SCN2B: variants seen among roughly 807,000 people sequenced by gnomAD.
SCN2B encodes the protein sodium voltage-gated channel beta subunit 2, also known as sodium channel regulatory subunit beta-2.
In SCN2B, 14 loss-of-function variants were observed where a neutral mutation model predicts 18.2. That is an observed-to-expected ratio of 0.77 (90% CI 0.51 to 1.21). The LOEUF (loss-of-function observed/expected upper bound fraction) is 1.21. Among genes scored for constraint, SCN2B ranks in the 50% most tolerant of loss-of-function variants. SCN2B has a pLI of 0.00. For synonymous variants in SCN2B, 115 were observed against 115.3 expected (o/e 1.00, Z 0.02); for missense variants, 262 against 286.9 (o/e 0.91, Z 0.63).
At chr11:118,172,077 C>A (rs1345612260) in intron 1 of SCN2B, among the ~76,000 whole-genome samples, 1 of 152,208 alleles carries the variant, frequency 6.6e-6, no homozygotes, top group Non-Finnish European at 1.5e-5. Context: ...CCAGTCCGGG[C>A]CCTCATTAAA....
rs910461882 is a variant in SCN2B at position 118,168,494 on chromosome 11, G to A, written c.237+91C>T. On this transcript the variant is annotated intron_variant, in intron 2 of 3. Coordinates refer to ENST00000278947, the MANE Select transcript of SCN2B (RefSeq NM_004588.5). The surrounding 1 kb of genome is among the most constrained non-coding windows in gnomAD (Gnocchi z 4.7). ...CCACCCAGGGTCCTCTGGGGCCCTA[G>A]CGCAGTGCCGGGGCCGGTGGTGGGA... 1 of 1,553,718 alleles carries A rather than the reference G, an allele frequency of 6.4e-7. No individual in the cohort carries two copies. The highest frequency in any genetic ancestry group is 1.1e-5 in the South Asian group (1 of 89,196).
rs1038002916 is a variant in SCN2B at position 118,165,260 on chromosome 11, A to G, written c.*1627T>C. On this transcript the variant is annotated 3_prime_UTR_variant, in exon 4 of 4. Coordinates refer to ENST00000278947, the MANE Select transcript of SCN2B (RefSeq NM_004588.5). ...AAACTGGAGACTGAGGAGCCAGAGA[A>G]GAGGGCAGGACCCTCAGTTTCTGTC... The G allele has an allele frequency of 3.9e-5, 6 of 152,664 alleles. No individual in the cohort carries two copies. The highest frequency in any genetic ancestry group is 1.4e-4 in the African/African-American group (6 of 41,454). The allele number at this position is 152,664 out of a possible 1,614,324, so 9.5% of individuals were successfully genotyped here. A position where few individuals can be genotyped will look rare whatever the true frequency, so the allele number is the denominator to read the frequency against.
chr11:118,169,894 G>C lies in SCN2B; in HGVS notation c.71-1143C>G, dbSNP rs558182151. Among the ~76,000 whole-genome samples the C allele has an allele frequency of 2.5e-3, 378 of 152,302 alleles. 2 individuals are homozygous for C. The highest frequency in any genetic ancestry group is 8.9e-3 in the African/African-American group (368 of 41,550). ...GCAAGACACTTAAGGGGCATCCACTGCCTGGTCATGGAAATACCTCCTTAA... is the reference window on the plus strand; with the variant it reads ...GCAAGACACTTAAGGGGCATCCACTCCCTGGTCATGGAAATACCTCCTTAA... On this transcript the variant is annotated intron_variant, in intron 1 of 3. Coordinates refer to ENST00000278947, the MANE Select transcript of SCN2B (RefSeq NM_004588.5).
rs1323468037 is a variant in SCN2B at position 118,168,023 on chromosome 11, T to G, written c.448+62A>C. The G allele has an allele frequency of 6.9e-7, 1 of 1,439,540 alleles. No homozygotes were observed. The highest frequency in any genetic ancestry group is 1.4e-5 in the African/African-American group (1 of 71,084). The allele number at this position is 1,439,540 out of a possible 1,614,324, so 89.2% of individuals were successfully genotyped here. ...GCCTCCCCAAAGTGCCCTGAGCAAA[T>G]GCCGCAGAGAGTAGGTGGGTGGGAA... On this transcript the variant is annotated intron_variant, in intron 3 of 3. Coordinates refer to ENST00000278947, the MANE Select transcript of SCN2B (RefSeq NM_004588.5). The surrounding 1 kb of genome is among the most constrained non-coding windows in gnomAD (Gnocchi z 4.7).
chr11:118,172,968 G>A (rs1254208368), intron 1 of SCN2B, among the ~76,000 whole-genome samples: 3 of 151,086 alleles, frequency 2.0e-5, no homozygotes, highest in African/African-American at 7.3e-5. Context: ...GGTGAGTGTG[G>A]CATCCAGCCC....
At chr11:118,175,791 C>T (rs1213546827) in intron 1 of SCN2B, among the ~76,000 whole-genome samples, 1 of 152,144 alleles carries the variant, frequency 6.6e-6, no homozygotes, top group Non-Finnish European at 1.5e-5. Context: ...GTGCGTGCCT[C>T]AGCAGGTCTC....
Position 118,166,989 on chromosome 11 carries a change from A to G in SCN2B, c.546T>C (p.Cys182=), listed in dbSNP as rs756573538. 1.2e-6 allele frequency: 2 copies of G among 1,613,658 alleles called. No homozygotes were observed. Among genetic ancestry groups the G allele is most frequent in the Non-Finnish European group, 1.7e-6 (2 of 1,179,970 alleles). ...GCTTCTGCTCTTTTTTTCTCCTCAC[A>G]CACTTGACCACCATCAGCACCAAGA... is the stretch of plus-strand genomic sequence containing the variant. ...VVILVLMVVK[C]VRRKKEQKLS... The change falls in exon 4 of 4, where the codon TGT becomes TGC. Residue 182 remains cysteine (C), a synonymous_variant. Transcript: ENST00000278947.
chr11:118,168,877 G>A lies in SCN2B; in HGVS notation c.71-126C>T. The A allele has an allele frequency of 1.0e-6, 1 of 990,772 alleles. No homozygotes were observed. Among genetic ancestry groups the A allele is most frequent in the Non-Finnish European group, 1.6e-6 (1 of 623,940 alleles). The allele number at this position is 990,772 out of a possible 1,614,324, so 61.4% of individuals were successfully genotyped here. On this transcript the variant is annotated intron_variant, in intron 1 of 3. Transcript: ENST00000278947. This position sits in a 1 kb window ranked among gnomAD's most constrained non-coding sequence, Gnocchi z 4.7. ...GCCACAGGGAGGGGACTGGGTCCCT[G>A]ACAGCTCCAGTTAATCAGGAGGTGG...
At position 118,164,049 on chromosome 11, in the gene SCN2B, G is replaced by C. The variant is rs1948355789; in HGVS notation, c.*2838C>G. The C allele has an allele frequency of 6.6e-6, 1 of 152,196 alleles. No individual in the cohort carries two copies. Among genetic ancestry groups the C allele is most frequent in the Non-Finnish European group, 1.5e-5 (1 of 68,036 alleles). 9.4% of individuals were successfully genotyped at this position (152,196 alleles called of 1,614,324 possible). ...CTGCTGGGGCCCTGAGGCCCGTGAA[G>C]AGACATTGCTTTTCCTGGGCCCCAG... On this transcript the variant is annotated 3_prime_UTR_variant, in exon 4 of 4. Coordinates refer to ENST00000278947, the MANE Select transcript of SCN2B (RefSeq NM_004588.5).
chr11:118,173,852 C>A (rs1379255332), intron 1 of SCN2B, among the ~76,000 whole-genome samples: 1 of 152,088 alleles, frequency 6.6e-6, no homozygotes, highest in Non-Finnish European at 1.5e-5. Context: ...GTCTGGGTCC[C>A]CACCACCACA....
intron 3 of SCN2B, 48 bp from the exon 4 acceptor site, chr11:118,167,134 TC>T (rs34393387): frequency 1.1e-5 from 17 of 1,575,026 alleles, no homozygotes; most frequent in Non-Finnish European, 1.2e-5. Flanking sequence ...GAAAGGGGCC[TC>T]CCCCATCACC....
chr11:118,167,150 T>G, intron 3 of SCN2B, 64 bp from the exon 4 acceptor site: 4 of 1,516,138 alleles, frequency 2.6e-6, no homozygotes, highest in Non-Finnish European at 3.6e-6. Context: ...ATCACCCCAC[T>G]ACCCGTGGCA....
intron 1 of SCN2B, among the ~76,000 whole-genome samples, chr11:118,171,761 AGC>A (rs1727466097): frequency 6.6e-6 from 1 of 152,208 alleles, no homozygotes. Flanking sequence ...CCCACCCTGC[AGC>A]GGGGCCCTGC....
chr11:118,167,454 G>C (rs1261449683), intron 3 of SCN2B, among the ~76,000 whole-genome samples: 6 of 152,140 alleles, frequency 3.9e-5, no homozygotes, highest in Non-Finnish European at 8.8e-5. Context: ...CTCCCTCAAA[G>C]GTTTTCATGA....
At chr11:118,175,532 G>A (rs936034191) in intron 1 of SCN2B, among the ~76,000 whole-genome samples, 1 of 152,204 alleles carries the variant, frequency 6.6e-6, no homozygotes, top group African/African-American at 2.4e-5. Flanking sequence ...AAGTTTAGGA[G>A]CAAGAATGAA....
At position 118,176,454 on chromosome 11, in the gene SCN2B, C is replaced by A; in HGVS notation, c.-23G>T. On this transcript the variant is annotated 5_prime_UTR_variant, in exon 1 of 4. Coordinates refer to ENST00000278947, the MANE Select transcript of SCN2B (RefSeq NM_004588.5). ...CATTTTCAGAGACTGAGATGTTAGT[C>A]GGGTGGGCTACGGGAGAGGGTGATT... 1.2e-6 allele frequency: 2 copies of A among 1,606,402 alleles called. No homozygotes were observed. The highest frequency in any genetic ancestry group is 2.2e-5 in the South Asian group (2 of 90,868).
In SCN2B at chr11:118,166,980, T is replaced by C. The variant is rs1948388978; in HGVS notation, c.555A>G (p.Arg185=). Residue 185 remains arginine (R), a synonymous_variant, in exon 4 of 4, where the codon AGA becomes AGG. Coordinates refer to ENST00000278947, the MANE Select transcript of SCN2B (RefSeq NM_004588.5). ...LVLMVVKCVR[R]KKEQKLSTDD... Reference sequence around the variant, plus strand: ...CTGTGCTCAGCTTCTGCTCTTTTTTTCTCCTCACACACTTGACCACCATCA... The same window carrying C: ...CTGTGCTCAGCTTCTGCTCTTTTTTCCTCCTCACACACTTGACCACCATCA... The C allele has an allele frequency of 1.2e-6, 2 of 1,613,826 alleles. No individual in the cohort carries two copies. Among genetic ancestry groups the C allele is most frequent in the Admixed American group, 1.7e-5 (1 of 59,984 alleles).
chr11:118,176,295 C>T (rs1948467435), intron 1 of SCN2B, 67 bp downstream of exon 1: 1 of 1,374,684 alleles, frequency 7.3e-7, no homozygotes, highest in Non-Finnish European at 1.0e-6. Flanking sequence ...TATCCCCTGC[C>T]CCCATCCTCT....
Position 118,168,362 on chromosome 11 carries a change from G to T in SCN2B, c.238-67C>A. On this transcript the variant is annotated intron_variant, in intron 2 of 3. Coordinates refer to ENST00000278947, the MANE Select transcript of SCN2B (RefSeq NM_004588.5). This position sits in a 1 kb window ranked among gnomAD's most constrained non-coding sequence, Gnocchi z 4.7. ...AAGGAACTACAAGGACAGTGAGGAT[G>T]CCCCCTCTTCCCATCCACCCTTTTC... 2 of 1,443,504 alleles carry T rather than the reference G, an allele frequency of 1.4e-6. No individual in the cohort carries two copies. Among genetic ancestry groups the T allele is most frequent in the Non-Finnish European group, 1.9e-6 (2 of 1,025,738 alleles). 89.4% of individuals were successfully genotyped at this position (1,443,504 alleles called of 1,614,324 possible).
Sources: gnomAD v4.1 joint callset for allele counts (sites outside exome capture counted in the v4.1 genomes callset) on GRCh38, gnomAD v4.1.1 for gene constraint, Gnocchi (gnomAD v3.1) non-coding constraint, MANE v1.5 for transcripts, NCBI Gene and HGNC (gene_info 2026-07-23, HGNC 2026-07-21) for gene names.